The following MTX2 variants were observed in gnomAD, a reference collection of about 807,000 sequenced individuals.
MTX2 encodes metaxin 2, also known as metaxin-2.
MTX2 carries 35 observed loss-of-function variants against 42.3 expected under a neutral mutation model. That is an observed-to-expected ratio of 0.83 (90% CI 0.63 to 1.10). The LOEUF is 1.10. Ranked by LOEUF, MTX2 falls within the 50% of genes least tolerant of loss-of-function variation. The pLI is 0.00. For synonymous variants in MTX2, 119 were observed against 100.9 expected (o/e 1.18, Z -1.08); for missense variants, 307 against 304.1 (o/e 1.01, Z -0.07).
intron 1 of MTX2, among the ~76,000 whole-genome samples, chr2:176,271,336 A>C (rs1016561713): frequency 2.0e-5 from 3 of 152,226 alleles, no homozygotes; most frequent in South Asian, 4.1e-4. Flanking sequence ...TAATCCTTGG[A>C]TAGCAGAAGA....
chr2:176,331,944 CAGTT>C (rs1370552916), intron 9 of MTX2, among the ~76,000 whole-genome samples: 2 of 151,194 alleles, frequency 1.3e-5, no homozygotes, highest in African/African-American at 2.4e-5. Context: ...CTTTTCTTCT[CAGTT>C]AAACTCATTG....
intron 3 of MTX2, among the ~76,000 whole-genome samples, chr2:176,314,642 C>A (rs1684394886): frequency 6.6e-6 from 1 of 151,994 alleles, no homozygotes; most frequent in South Asian, 2.1e-4. Flanking sequence ...ATTCTGTTTA[C>A]CTGCTTTTCT....
intron 1 of MTX2, among the ~76,000 whole-genome samples, chr2:176,284,349 A>G (rs941161814): frequency 2.0e-5 from 3 of 152,104 alleles, no homozygotes. Context: ...AATTTGACTT[A>G]TATTTATTTA....
intron 3 of MTX2, among the ~76,000 whole-genome samples, chr2:176,307,875 T>C: frequency 6.6e-6 from 1 of 152,184 alleles, no homozygotes; most frequent in East Asian, 1.9e-4. Context: ...GATTTCTTAA[T>C]TGAATACCCT....
chr2:176,269,536 AG>A lies in MTX2; in HGVS notation c.-92del. 7.2e-7 allele frequency: 1 copy of A among 1,379,342 alleles called. No individual in the cohort carries two copies. Among genetic ancestry groups the A allele is most frequent in the Non-Finnish European group, 9.7e-7 (1 of 1,026,818 alleles). 85.4% of individuals were successfully genotyped at this position (1,379,342 alleles called of 1,614,324 possible). A position where few individuals can be genotyped will look rare whatever the true frequency, so the allele number is the denominator to read the frequency against. ...TGCGAGTCTGAACGTTGGCGGGGCTAGGCTCGTTAACTGCCGAGAGCCTCCG... is the reference window on the plus strand; with the variant it reads ...TGCGAGTCTGAACGTTGGCGGGGCTAGCTCGTTAACTGCCGAGAGCCTCCG... On this transcript the variant is annotated 5_prime_UTR_variant, in exon 1 of 10. Coordinates refer to ENST00000249442, the MANE Select transcript of MTX2 (RefSeq NM_006554.5).
intron 1 of MTX2, among the ~76,000 whole-genome samples, chr2:176,278,041 GTTTTTTTTTTTT>G (rs59379339): frequency 1.4e-4 from 12 of 84,836 alleles, no homozygotes; most frequent in South Asian, 5.1e-4. Context: ...GTTGAAACTG[GTTTTTTTTTTTT>G]TTTTTTTTTT....
intron 6 of MTX2, among the ~76,000 whole-genome samples, chr2:176,328,614 T>C (rs1484514030): frequency 6.6e-6 from 1 of 151,254 alleles, no homozygotes; most frequent in Non-Finnish European, 1.5e-5. Context: ...TACTCATTAT[T>C]TTACTTTGGC....
chr2:176,274,289 A>G (rs1273534404), intron 1 of MTX2, among the ~76,000 whole-genome samples: 2 of 152,190 alleles, frequency 1.3e-5, no homozygotes, highest in African/African-American at 2.4e-5. Flanking sequence ...AAGCTATTTC[A>G]TTCTCTTTCC....
chr2:176,270,457 A>G, intron 1 of MTX2: 2 of 1,287,498 alleles, frequency 1.6e-6, no homozygotes, highest in Non-Finnish European at 2.1e-6. Flanking sequence ...TATTTATTGT[A>G]ATGAAAGAAA....
At chr2:176,328,988 C>A in intron 7 of MTX2, 76 bp downstream of exon 7, 1 of 1,293,024 alleles carries the variant, frequency 7.7e-7, no homozygotes, top group Non-Finnish European at 1.1e-6. Context: ...CAAGTCCCTG[C>A]TCATAAATGA....
At chr2:176,325,879 T>A (rs1014528334) in intron 4 of MTX2, among the ~76,000 whole-genome samples, 5 of 151,908 alleles carry the variant, frequency 3.3e-5, no homozygotes, top group Admixed American at 3.3e-4. Context: ...AAGGCCTGCC[T>A]TTTCTTTGTA....
At chr2:176,319,900 A>G (rs1338196178) in intron 3 of MTX2, among the ~76,000 whole-genome samples, 1 of 151,932 alleles carries the variant, frequency 6.6e-6, no homozygotes, top group African/African-American at 2.4e-5. Flanking sequence ...AGCTCTCACT[A>G]TGTTTCCCAG....
At chr2:176,312,353 A>G (rs555543089) in intron 3 of MTX2, among the ~76,000 whole-genome samples, 13 of 152,294 alleles carry the variant, frequency 8.5e-5, no homozygotes, top group Non-Finnish European at 1.9e-4. Flanking sequence ...TAAACAAGAT[A>G]GACATTGTCT....
intron 3 of MTX2, among the ~76,000 whole-genome samples, chr2:176,308,728 G>A (rs912258965): frequency 3.3e-5 from 5 of 152,034 alleles, no homozygotes; most frequent in East Asian, 1.9e-4. Context: ...CTTTGGGATC[G>A]TTGGTGATAT....
intron 1 of MTX2, among the ~76,000 whole-genome samples, chr2:176,275,296 T>G (rs2105393214): frequency 6.6e-6 from 1 of 152,122 alleles, no homozygotes; most frequent in East Asian, 1.9e-4. Flanking sequence ...TGGAGGGCAG[T>G]GGCACAACCT....
chr2:176,306,305 C>CT (rs1447828765), intron 3 of MTX2, among the ~76,000 whole-genome samples: 1 of 152,184 alleles, frequency 6.6e-6, no homozygotes, highest in Non-Finnish European at 1.5e-5. Context: ...TTAATCCAGT[C>CT]TATCACTGAT....
intron 3 of MTX2, 33 bp downstream of exon 3, chr2:176,297,928 C>A: frequency 1.3e-6 from 2 of 1,496,198 alleles, no homozygotes; most frequent in Non-Finnish European, 1.8e-6. Context: ...ATCTTTTTCA[C>A]CCCCTAGGTG....
intron 9 of MTX2, among the ~76,000 whole-genome samples, chr2:176,332,064 C>G (rs1684875940): frequency 6.6e-6 from 1 of 151,134 alleles, no homozygotes; most frequent in Non-Finnish European, 1.5e-5. Flanking sequence ...ATGAAAACTT[C>G]TAACTTAGAA....
intron 3 of MTX2, 147 bp downstream of exon 3, chr2:176,298,042 T>C: frequency 2.3e-6 from 1 of 434,370 alleles, no homozygotes; most frequent in Non-Finnish European, 4.1e-6. Flanking sequence ...CTATATAACA[T>C]TGCTTCTTTG....
Sources: allele counts gnomAD v4.1 joint callset (sites outside exome capture counted in the v4.1 genomes callset), GRCh38; gene constraint gnomAD v4.1.1; transcripts MANE v1.5; gene names NCBI Gene and HGNC (gene_info 2026-07-23, HGNC 2026-07-21).